Variants in CEP85L observed in about 807,000 individuals in gnomAD.
CEP85L encodes the protein centrosomal protein of 85 kDa-like.
In CEP85L, 60 loss-of-function variants were observed where a neutral mutation model predicts 100.3. The ratio of observed to expected loss-of-function variants is 0.60; its 90% CI spans 0.49 to 0.74. The LOEUF is 0.74. Among genes scored for constraint, CEP85L ranks in the 30% least tolerant of loss-of-function variants. The probability of loss-of-function intolerance (pLI) is 0.00; values close to 1 mark genes in which losing one functional copy is unlikely to be tolerated. For missense variants in CEP85L, 973 were observed against 936.2 expected, an observed-to-expected ratio of 1.04 and a Z score of -0.51; for synonymous variants, 319 against 322.7, an observed-to-expected ratio of 0.99 and a Z score of 0.12.
At chr6:118,497,605 C>A (rs960124569) in intron 5 of CEP85L, among the ~76,000 whole-genome samples, 3 of 152,152 alleles carry the variant, frequency 2.0e-5, no homozygotes, top group East Asian at 3.8e-4. Context: ...CAAAACCAGA[C>A]CCTGGTGCCA....
intron 2 of CEP85L, among the ~76,000 whole-genome samples, chr6:118,566,582 T>G (rs1779523420): frequency 6.6e-6 from 1 of 152,058 alleles, no homozygotes; most frequent in Non-Finnish European, 1.5e-5. Context: ...CACGCCCGAC[T>G]AATTTTTTGT....
chr6:118,565,691 A>T lies in CEP85L; in HGVS notation c.858T>A (p.Gly286=). 4 of 1,614,138 alleles carry T rather than the reference A, an allele frequency of 2.5e-6. No individual in the cohort carries two copies. The highest frequency in any genetic ancestry group is 3.4e-6 in the Non-Finnish European group (4 of 1,180,012). ...TTACGGAAGGCTGAATGGGAACTCC[A>T]CCTACTGCCTGTTGACCAAGCATTA... ...KYLMLGQQAV[G]GVPIQPSVRT... The change falls in exon 3 of 13, where the codon GGT becomes GGA. Residue 286 remains glycine (G), a synonymous_variant. Transcript: ENST00000368491.
intron 3 of CEP85L, among the ~76,000 whole-genome samples, chr6:118,561,902 TTA>T (rs1235889431): frequency 6.6e-6 from 1 of 152,158 alleles, no homozygotes; most frequent in Non-Finnish European, 1.5e-5. Flanking sequence ...TAGCGATTAT[TTA>T]TCTTTTGATT....
At chr6:118,554,162 C>T (rs1778710740) in intron 3 of CEP85L, among the ~76,000 whole-genome samples, 1 of 152,100 alleles carries the variant, frequency 6.6e-6, no homozygotes, top group South Asian at 2.1e-4. Flanking sequence ...GTGGCGCACA[C>T]CTGTGGTCTC....
At chr6:118,549,558 A>T (rs1221554151) in intron 3 of CEP85L, among the ~76,000 whole-genome samples, 1 of 151,804 alleles carries the variant, frequency 6.6e-6, no homozygotes, top group Non-Finnish European at 1.5e-5. Flanking sequence ...TACAAATAAG[A>T]ACTTTGTAAC....
intron 1 of CEP85L, among the ~76,000 whole-genome samples, chr6:118,661,765 T>C (rs1775980643): frequency 6.6e-6 from 1 of 152,142 alleles, no homozygotes; most frequent in Non-Finnish European, 1.5e-5. Flanking sequence ...TGATATAGAA[T>C]ATTCAGGGAA....
At chr6:118,612,694 A>G (rs187338001) in intron 2 of CEP85L, among the ~76,000 whole-genome samples, 4 of 80,800 alleles carry the variant, frequency 5.0e-5, no homozygotes, top group Admixed American at 1.7e-4. Context: ...GGGGGGGGGG[A>G]CTCTCAAATC....
At chr6:118,638,926 G>A (rs190618438) in intron 1 of CEP85L, among the ~76,000 whole-genome samples, 94 of 152,170 alleles carry the variant, frequency 6.2e-4, no homozygotes, top group African/African-American at 2.2e-3. Context: ...ATATGTAACT[G>A]CACTGAGAAC....
At chr6:118,652,693 CACTT>C (rs753330947), upstream of CEP85L, 32 of 1,535,292 alleles carry the variant, frequency 2.1e-5, no homozygotes, top group Middle Eastern at 3.5e-3. Context: ...TGTGTTCTAT[CACTT>C]ACCACATCCG....
intron 2 of CEP85L, among the ~76,000 whole-genome samples, chr6:118,579,720 A>G (rs1268918686): frequency 6.6e-6 from 1 of 152,218 alleles, no homozygotes; most frequent in Non-Finnish European, 1.5e-5. Flanking sequence ...ATGTTATAGG[A>G]GTTATTAAGA....
At chr6:118,597,674 A>G (rs1291427873) in intron 2 of CEP85L, among the ~76,000 whole-genome samples, 1 of 152,258 alleles carries the variant, frequency 6.6e-6, no homozygotes. Flanking sequence ...CTAAATAGCA[A>G]TAGAAAAGGT....
chr6:118,675,882 T>C (rs897975898), intron 1 of CEP85L, among the ~76,000 whole-genome samples: 10 of 152,106 alleles, frequency 6.6e-5, no homozygotes, highest in African/African-American at 2.4e-4. Flanking sequence ...GAAAAGATGA[T>C]GTATTAATGG....
intron 2 of CEP85L, among the ~76,000 whole-genome samples, chr6:118,629,108 G>A (rs1773983961): frequency 6.6e-6 from 1 of 152,092 alleles, no homozygotes; most frequent in Admixed American, 6.6e-5. Context: ...ATTGTATTAC[G>A]TATTGTAAGG....
At chr6:118,541,027 A>C (rs1583009587) in intron 3 of CEP85L, among the ~76,000 whole-genome samples, 1 of 152,144 alleles carries the variant, frequency 6.6e-6, no homozygotes, top group East Asian at 1.9e-4. Flanking sequence ...ATTTTGGGTT[A>C]TGTTACTTTT....
At chr6:118,642,292 G>A (rs1244282573) in intron 1 of CEP85L, among the ~76,000 whole-genome samples, 2 of 152,110 alleles carry the variant, frequency 1.3e-5, no homozygotes, top group African/African-American at 4.8e-5. Context: ...TTTGTAAAAT[G>A]TGTCAAAAAA....
chr6:118,578,454 G>A (rs374145773), intron 2 of CEP85L, among the ~76,000 whole-genome samples: 25 of 152,296 alleles, frequency 1.6e-4, no homozygotes, highest in African/African-American at 5.8e-4. Flanking sequence ...CCCTTTGGCC[G>A]GGAGCGGTGG....
At chr6:118,617,574 C>T (rs1773147931) in intron 2 of CEP85L, among the ~76,000 whole-genome samples, 1 of 152,150 alleles carries the variant, frequency 6.6e-6, no homozygotes, top group South Asian at 2.1e-4. Flanking sequence ...ACATACTTCC[C>T]GCCTCACATA....
chr6:118,565,998 T>C lies in CEP85L; in HGVS notation c.551A>G (p.Glu184Gly), dbSNP rs188476425. 1 of 1,614,188 alleles carries C rather than the reference T, an allele frequency of 6.2e-7. No homozygotes were observed. The highest frequency in any genetic ancestry group is 1.3e-5 in the African/African-American group (1 of 75,050). Residue 184 changes from glutamate to glycine, a missense_variant, in exon 3 of 13, where the codon GAG becomes GGG. By Grantham distance (98) the Glu-to-Gly change is moderately conservative (BLOSUM62 -2). Coordinates refer to ENST00000368491, the MANE Select transcript of CEP85L (RefSeq NM_001042475.3). ...TAAAGCCTTAGCCTTCCCTATCTTC[T>C]CCAAACCATTCCTTGACTCTTCTCT... ...VCREESRNGL[E>G]KIGKAKALTS...
intron 3 of CEP85L, among the ~76,000 whole-genome samples, chr6:118,534,255 C>T (rs1777460164): frequency 6.6e-6 from 1 of 151,754 alleles, no homozygotes; most frequent in African/African-American, 2.4e-5. Flanking sequence ...AACAAAAGGG[C>T]AATTAAAAAT....
Sources: allele counts gnomAD v4.1 joint callset (sites outside exome capture counted in the v4.1 genomes callset), GRCh38; gene constraint gnomAD v4.1.1; transcripts MANE v1.5; gene names NCBI Gene and HGNC (gene_info 2026-07-23, HGNC 2026-07-21).